The following B3GALT1 variants were observed in gnomAD, a reference collection of about 807,000 sequenced individuals.
B3GALT1 encodes the protein beta-1,3-galactosyltransferase 1.
B3GALT1 carries 10 observed loss-of-function variants against 23.2 expected under a neutral mutation model. That is an observed-to-expected ratio of 0.43 (90% CI 0.27 to 0.73). B3GALT1 has a LOEUF of 0.73. Among genes scored for constraint, B3GALT1 ranks in the 30% least tolerant of loss-of-function variants. B3GALT1 has a pLI of 0.21. For synonymous variants in B3GALT1, 156 were observed against 141.5 expected, an observed-to-expected ratio of 1.10 and a Z score of -0.73; for missense variants, 299 against 405.4, an observed-to-expected ratio of 0.74 and a Z score of 2.25.
At chr2:167,841,638 T>A (rs1044363582) in intron 4 of B3GALT1, among the ~76,000 whole-genome samples, 3 of 152,130 alleles carry the variant, frequency 2.0e-5, no homozygotes, top group Non-Finnish European at 4.4e-5. Context: ...CCTTCCAGCC[T>A]CCCCCTTCTC....
At chr2:167,472,815 A>G (rs772213034) in intron 1 of B3GALT1, among the ~76,000 whole-genome samples, 2 of 152,104 alleles carry the variant, frequency 1.3e-5, no homozygotes, top group African/African-American at 2.4e-5. Context: ...TAAGTGAAAC[A>G]TGGTGAAAAA....
chr2:167,621,551 G>A (rs1685259161), intron 2 of B3GALT1, among the ~76,000 whole-genome samples: 3 of 152,032 alleles, frequency 2.0e-5, no homozygotes, highest in Admixed American at 2.0e-4. Flanking sequence ...GCAATTGAGG[G>A]AAAACGTATT....
intron 1 of B3GALT1, among the ~76,000 whole-genome samples, chr2:167,361,465 G>A (rs372219902): frequency 6.6e-6 from 1 of 152,160 alleles, no homozygotes; most frequent in Non-Finnish European, 1.5e-5. Context: ...AGCTGACAAT[G>A]CACAGTAGTT....
intron 3 of B3GALT1, among the ~76,000 whole-genome samples, chr2:167,651,547 G>A (rs916681419): frequency 6.6e-6 from 1 of 152,100 alleles, no homozygotes; most frequent in African/African-American, 2.4e-5. Context: ...ACCACACACA[G>A]CCAGCTGCTT....
At chr2:167,613,419 T>C (rs1190385687) in intron 2 of B3GALT1, among the ~76,000 whole-genome samples, 1 of 151,374 alleles carries the variant, frequency 6.6e-6, no homozygotes, top group African/African-American at 2.4e-5. Context: ...AAGTCAACAA[T>C]AAGGATAAAA....
chr2:167,787,309 T>A (rs571281971), intron 3 of B3GALT1, among the ~76,000 whole-genome samples: 4 of 152,262 alleles, frequency 2.6e-5, no homozygotes, highest in African/African-American at 9.6e-5. Context: ...ATCAGGAAGT[T>A]TATGTACTAG....
intron 1 of B3GALT1, among the ~76,000 whole-genome samples, chr2:167,406,238 T>A (rs1207602461): frequency 1.3e-5 from 2 of 152,078 alleles, no homozygotes; most frequent in East Asian, 3.9e-4. Context: ...AAACTTTTCA[T>A]GACATGGGGT....
At chr2:167,652,276 C>T (rs1162844476) in intron 3 of B3GALT1, among the ~76,000 whole-genome samples, 3 of 152,122 alleles carry the variant, frequency 2.0e-5, no homozygotes, top group African/African-American at 7.2e-5. Flanking sequence ...AGATGACCAG[C>T]AGAGCCAAAG....
At chr2:167,450,271 G>T (rs1402927035) in intron 1 of B3GALT1, among the ~76,000 whole-genome samples, 1 of 151,666 alleles carries the variant, frequency 6.6e-6, no homozygotes, top group Admixed American at 6.6e-5. Flanking sequence ...CAGTCTGGCT[G>T]CTTGTTATTG....
Position 167,844,903 on chromosome 2 carries a change from G to A in B3GALT1, c.-229-23908G>A, listed in dbSNP as rs544645537. Among the ~76,000 whole-genome samples the A allele has an allele frequency of 5.3e-5, 8 of 152,216 alleles. No homozygotes were observed. The East Asian group carries it at 1.6e-3, about 30-fold the overall frequency. On this transcript the variant is annotated intron_variant, in intron 4 of 4. Transcript: ENST00000392690. ...TGGAAACAGACTGGGGGCTGTTAGG[G>A]GGCACAGTGGGAGTGTGACTGGCCC...
At chr2:167,558,995 A>C (rs1033694441) in intron 2 of B3GALT1, among the ~76,000 whole-genome samples, 14 of 152,248 alleles carry the variant, frequency 9.2e-5, no homozygotes, top group African/African-American at 3.4e-4. Context: ...GAGAACGGGC[A>C]GACTGCCTCC....
chr2:167,370,244 G>T (rs965590601), intron 1 of B3GALT1, among the ~76,000 whole-genome samples: 5 of 152,106 alleles, frequency 3.3e-5, no homozygotes, highest in African/African-American at 1.2e-4. Context: ...CTCTTAAAAA[G>T]CCAACATTGT....
At position 167,860,545 on chromosome 2, in the gene B3GALT1, CAG is replaced by C. The variant is rs1690078167; in HGVS notation, c.-229-8264_-229-8263del. 2.6e-5 allele frequency among the ~76,000 whole-genome samples: 4 copies of C among 152,244 alleles called. No homozygotes were observed. The South Asian group carries it at 6.2e-4, about 24-fold the overall frequency. On this transcript the variant is annotated intron_variant, in intron 4 of 4. Coordinates refer to ENST00000392690, the MANE Select transcript of B3GALT1 (RefSeq NM_020981.4). ...CCATATGTGATCTGTAAATATTTAA[CAG>C]AAGTTATTCAGAGTCAATTAATAAC... is the stretch of plus-strand genomic sequence containing the variant.
chr2:167,861,089 G>A lies in B3GALT1; in HGVS notation c.-229-7722G>A, dbSNP rs577304760. ...TCTCCACTTTGATGAGCTGACTTAG[G>A]ATTTTTTGACATTACCATGATGCCA... On this transcript the variant is annotated intron_variant, in intron 4 of 4. Transcript: ENST00000392690. 4.6e-5 allele frequency among the ~76,000 whole-genome samples: 7 copies of A among 152,270 alleles called. No homozygotes were observed. In the South Asian group the frequency reaches 1.5e-3, roughly 32 times the overall value.
At chr2:167,498,005 GC>G (rs1699802119) in intron 2 of B3GALT1, among the ~76,000 whole-genome samples, 1 of 152,078 alleles carries the variant, frequency 6.6e-6, no homozygotes, top group South Asian at 2.1e-4. Flanking sequence ...AAGTTTGAAA[GC>G]CTAAAGTTAA....
At chr2:167,341,087 A>G (rs1413276870) in intron 1 of B3GALT1, among the ~76,000 whole-genome samples, 3 of 152,230 alleles carry the variant, frequency 2.0e-5, no homozygotes, top group Non-Finnish European at 4.4e-5. Context: ...AGAAAATAGG[A>G]TCATAGAACT....
chr2:167,474,642 A>T (rs140046784), intron 1 of B3GALT1, among the ~76,000 whole-genome samples: 1 of 152,270 alleles, frequency 6.6e-6, no homozygotes, highest in East Asian at 1.9e-4. Context: ...TTCAGGCCCT[A>T]TAAAACCTGA....
At chr2:167,791,329 GA>G (rs201430322) in intron 3 of B3GALT1, among the ~76,000 whole-genome samples, 34 of 151,042 alleles carry the variant, frequency 2.3e-4, no homozygotes, top group African/African-American at 7.8e-4. Context: ...TTATCACACT[GA>G]AAAAAAAATC....
intron 1 of B3GALT1, among the ~76,000 whole-genome samples, chr2:167,444,071 G>C (rs538787667): frequency 2.0e-5 from 3 of 152,116 alleles, no homozygotes; most frequent in Admixed American, 2.0e-4. Flanking sequence ...AGAGTTTTTA[G>C]CATGAAGGGC....
Sources: gnomAD v4.1 joint callset for allele counts (sites outside exome capture counted in the v4.1 genomes callset) on GRCh38, gnomAD v4.1.1 for gene constraint, MANE v1.5 for transcripts, NCBI Gene and HGNC (gene_info 2026-07-23, HGNC 2026-07-21) for gene names.